Variants in GNA14 observed in about 807,000 individuals in gnomAD.
GNA14 encodes the protein guanine nucleotide-binding protein subunit alpha-14.
GNA14 carries 50 observed loss-of-function variants against 42.0 expected under a neutral mutation model. The ratio of observed to expected loss-of-function variants is 1.19; its 90% CI spans 0.95 to 1.51. The LOEUF is 1.51. GNA14 is among the 40% of genes most tolerant of loss of function. The pLI is 0.00. For synonymous variants in GNA14, 173 were observed against 163.1 expected, an observed-to-expected ratio of 1.06 and a Z score of -0.46; for missense variants, 473 against 446.2, an observed-to-expected ratio of 1.06 and a Z score of -0.54.
intron 1 of GNA14, among the ~76,000 whole-genome samples, chr9:77,627,517 C>T (rs1266155031): frequency 6.6e-6 from 1 of 152,150 alleles, no homozygotes; most frequent in Admixed American, 6.5e-5. Context: ...AAACTGAATC[C>T]AGCAGCACAT....
At chr9:77,592,577 A>T (rs1587841279) in intron 1 of GNA14, among the ~76,000 whole-genome samples, 1 of 152,114 alleles carries the variant, frequency 6.6e-6, no homozygotes, top group Non-Finnish European at 1.5e-5. Flanking sequence ...TACCCCAGTC[A>T]CCACCACTCC....
intron 2 of GNA14, 109 bp from the exon 3 acceptor site, chr9:77,434,631 A>AG: frequency 1.1e-6 from 1 of 942,300 alleles, no homozygotes; most frequent in Non-Finnish European, 1.6e-6. Context: ...AGCTCTCACT[A>AG]GGCATGGGGC....
At chr9:77,552,217 A>G (rs1564051996) in intron 1 of GNA14, among the ~76,000 whole-genome samples, 1 of 151,948 alleles carries the variant, frequency 6.6e-6, no homozygotes, top group Non-Finnish European at 1.5e-5. Context: ...AATTGAATCT[A>G]TAATATCCAG....
chr9:77,445,221 C>A (rs946357699), intron 2 of GNA14, among the ~76,000 whole-genome samples: 1 of 152,086 alleles, frequency 6.6e-6, no homozygotes, highest in East Asian at 1.9e-4. Flanking sequence ...AGCGGGGGTA[C>A]GAGAAAGGGA....
At chr9:77,493,149 T>C (rs1353163810) in intron 2 of GNA14, among the ~76,000 whole-genome samples, 1 of 150,490 alleles carries the variant, frequency 6.6e-6, no homozygotes, top group Non-Finnish European at 1.5e-5. Flanking sequence ...CATAGGACAT[T>C]TGAAGGATTG....
intron 2 of GNA14, among the ~76,000 whole-genome samples, chr9:77,511,264 T>C (rs551540706): frequency 2.4e-4 from 37 of 152,212 alleles, no homozygotes; most frequent in African/African-American, 8.4e-4. Flanking sequence ...TAATTAGCCA[T>C]AAAGGTACAA....
chr9:77,609,255 C>G (rs1251684078), intron 1 of GNA14, among the ~76,000 whole-genome samples: 1 of 152,168 alleles, frequency 6.6e-6, no homozygotes, highest in Non-Finnish European at 1.5e-5. Flanking sequence ...AATAAAGTAG[C>G]AGTTTCCTCC....
chr9:77,473,830 G>T (rs1836372974), intron 2 of GNA14, among the ~76,000 whole-genome samples: 1 of 152,058 alleles, frequency 6.6e-6, no homozygotes, highest in South Asian at 2.1e-4. Flanking sequence ...TAGGATAATG[G>T]AATTGAGAGT....
chr9:77,607,000 C>T (rs1264999330), intron 1 of GNA14, among the ~76,000 whole-genome samples: 2 of 152,142 alleles, frequency 1.3e-5, no homozygotes, highest in African/African-American at 4.8e-5. Context: ...CTCACCAGAA[C>T]CCGAATATGG....
In GNA14 at chr9:77,484,789, C is replaced by T. The variant is rs146319283; in HGVS notation, c.309+44280G>A. Among the ~76,000 whole-genome samples, 370 of 152,192 alleles carry T rather than the reference C, an allele frequency of 2.4e-3. 3 individuals are homozygous for T. The highest frequency in any genetic ancestry group is 0.012 in the South Asian group (60 of 4,808). ...AAAAATTTCAATAAAATGAGTCACA[C>T]AAATTTTGGTTTCCTAGTACATACA... On this transcript the variant is annotated intron_variant, in intron 2 of 6. Coordinates refer to ENST00000341700, the MANE Select transcript of GNA14 (RefSeq NM_004297.4).
intron 1 of GNA14, among the ~76,000 whole-genome samples, chr9:77,588,235 T>TG (rs1479661860): frequency 2.6e-5 from 4 of 152,142 alleles, no homozygotes; most frequent in African/African-American, 4.8e-5. Flanking sequence ...GGGACATCTT[T>TG]GGGGGGCTAT....
intron 1 of GNA14, among the ~76,000 whole-genome samples, chr9:77,643,699 G>A (rs573199554): frequency 6.6e-6 from 1 of 152,268 alleles, no homozygotes; most frequent in East Asian, 1.9e-4. Flanking sequence ...GGTGTAAGCA[G>A]GAAGAGGAAT....
At chr9:77,605,616 T>C (rs191462595) in intron 1 of GNA14, among the ~76,000 whole-genome samples, 1 of 152,232 alleles carries the variant, frequency 6.6e-6, no homozygotes, top group East Asian at 1.9e-4. Context: ...CTGTCATCTG[T>C]GACAACATGG....
chr9:77,610,031 C>T (rs867561457), intron 1 of GNA14, among the ~76,000 whole-genome samples: 1 of 152,160 alleles, frequency 6.6e-6, no homozygotes, highest in Non-Finnish European at 1.5e-5. Flanking sequence ...TGGCTACTAC[C>T]TATTCTTCTG....
intron 2 of GNA14, among the ~76,000 whole-genome samples, chr9:77,519,964 G>GC (rs1837325248): frequency 6.6e-6 from 1 of 152,104 alleles, no homozygotes; most frequent in Non-Finnish European, 1.5e-5. Context: ...AGCTGAGATG[G>GC]CGCCACTATG....
intron 2 of GNA14, among the ~76,000 whole-genome samples, chr9:77,447,388 G>A (rs570252966): frequency 2.0e-5 from 3 of 152,220 alleles, no homozygotes; most frequent in South Asian, 2.1e-4. Flanking sequence ...CTAAGACTGC[G>A]AGCACTAAGA....
At position 77,424,253 on chromosome 9, in the gene GNA14, C is replaced by T. The variant is rs1482995631; in HGVS notation, c.878-84G>A. 18 of 921,090 alleles carry T rather than the reference C, an allele frequency of 2.0e-5. No individual in the cohort carries two copies. In the East Asian group the frequency reaches 2.1e-4, roughly 11 times the overall value. The allele number at this position is 921,090 out of a possible 1,614,324, so 57.1% of individuals were successfully genotyped here. On this transcript the variant is annotated intron_variant, in intron 6 of 6. Transcript: ENST00000341700. ...GAACCTTTTTTTTGAGACAGAGTCT[C>T]GCTCTGTAGCCCAGGCTGGAGTGCA... is the stretch of plus-strand genomic sequence containing the variant.
chr9:77,472,117 AC>A (rs1296301304), intron 2 of GNA14, among the ~76,000 whole-genome samples: 1 of 152,156 alleles, frequency 6.6e-6, no homozygotes, highest in Non-Finnish European at 1.5e-5. Flanking sequence ...ACAGCTTTGC[AC>A]CAGCTCTGTC....
rs1446274489 is a variant in GNA14, at chr9:77,647,984, C to T, written c.-191G>A. On this transcript the variant is annotated 5_prime_UTR_variant, in exon 1 of 7. Transcript: ENST00000341700. ...CCCCCTTCGAAAGTCGGCTCTGAGG[C>T]GGGGTGAATGCCGAGCGCTGGGAAC... 11 of 625,822 alleles carry T rather than the reference C, an allele frequency of 1.8e-5. No individual in the cohort carries two copies. The highest frequency in any genetic ancestry group is 1.1e-5 in the Non-Finnish European group (4 of 376,904). 38.8% of individuals were successfully genotyped at this position (625,822 alleles called of 1,614,324 possible).
Sources: gnomAD v4.1 joint callset for allele counts (sites outside exome capture counted in the v4.1 genomes callset) on GRCh38, gnomAD v4.1.1 for gene constraint, MANE v1.5 for transcripts, NCBI Gene and HGNC (gene_info 2026-07-23, HGNC 2026-07-21) for gene names.